PRKACA: variants seen among roughly 807,000 people sequenced by gnomAD.
PRKACA encodes cAMP-dependent protein kinase catalytic subunit alpha.
A neutral mutation model predicts 45.8 loss-of-function variants in PRKACA; 9 were observed. That is an observed-to-expected ratio of 0.20 (90% CI 0.12 to 0.34). The LOEUF is 0.34. PRKACA is among the 10% of genes least tolerant of loss of function. The pLI is 1.00. For missense variants in PRKACA, 238 were observed against 458.6 expected (o/e 0.52, Z 4.39); for synonymous variants, 160 against 178.6 (o/e 0.90, Z 0.83).
rs376581982 is a variant in PRKACA at position 14,112,078 on chromosome 19, C to T, written c.47-4669G>A. ...TCTCTGGCCTCTCAAAGGACCAGAG[C>T]GCCCAGGCTCTGTCCCCTCTGGTGC... On this transcript the variant is annotated intron_variant, in intron 1 of 9. Coordinates refer to ENST00000308677, the MANE Select transcript of PRKACA (RefSeq NM_002730.4). Among the ~76,000 whole-genome samples, 14 of 152,138 alleles carry T rather than the reference C, an allele frequency of 9.2e-5. No homozygotes were observed. The East Asian group carries it at 1.9e-3, about 21-fold the overall frequency.
intron 1 of PRKACA, among the ~76,000 whole-genome samples, chr19:14,113,226 C>G (rs1967021473): frequency 6.6e-6 from 1 of 152,008 alleles, no homozygotes; most frequent in African/African-American, 2.4e-5. Flanking sequence ...GAGGGGGAGG[C>G]AGCCTTGACC....
In PRKACA at chr19:14,092,941, CCT is replaced by C. The variant is rs1977125801; in HGVS notation, c.*169_*170del. On this transcript the variant is annotated 3_prime_UTR_variant, in exon 10 of 10. Transcript: ENST00000308677. ...AGGGGGAGCAGCTGGTGTTTCTGTC[CCT>C]CTGATTATCTGGGCTTCCTGCTCCC... 1.3e-6 allele frequency: 1 copy of C among 795,686 alleles called. No homozygotes were observed. 49.3% of individuals were successfully genotyped at this position (795,686 alleles called of 1,614,324 possible). A position where few individuals can be genotyped will look rare whatever the true frequency, so the allele number is the denominator to read the frequency against.
At chr19:14,115,175 T>C in intron 1 of PRKACA, 1 of 929,138 alleles carries the variant, frequency 1.1e-6, no homozygotes, top group Non-Finnish European at 1.3e-6. Flanking sequence ...TGGCAGAACA[T>C]GACATGATTT....
intron 8 of PRKACA, chr19:14,096,380 G>A (rs1234572025): frequency 6.6e-6 from 1 of 150,670 alleles, no homozygotes; most frequent in South Asian, 2.1e-4. Flanking sequence ...TAGAGATGGG[G>A]TCTGGCTATG....
intron 2 of PRKACA, 60 bp from the exon 3 acceptor site, chr19:14,106,948 G>A: frequency 6.3e-7 from 1 of 1,592,464 alleles, no homozygotes; most frequent in Non-Finnish European, 8.6e-7. Context: ...GCTTGGCTAA[G>A]GTCTGGGGCA....
At chr19:14,103,056 C>T in intron 3 of PRKACA, 142 bp from the exon 4 acceptor site, 2 of 693,308 alleles carry the variant, frequency 2.9e-6, no homozygotes, top group South Asian at 3.3e-5. Flanking sequence ...CTGTCGGGCC[C>T]TTAGCTGATG....
chr19:14,092,669 G>C lies in PRKACA; in HGVS notation c.*443C>G. ...ACTCCGAAAGGAAGGTTGGCGCTTC[G>C]TTCATTTGCCCTTAGCAAGTGGGGC... On this transcript the variant is annotated 3_prime_UTR_variant, in exon 10 of 10. Transcript: ENST00000308677. The C allele has an allele frequency of 3.3e-6, 1 of 302,652 alleles. No individual in the cohort carries two copies. Among genetic ancestry groups the C allele is most frequent in the East Asian group, 4.4e-5 (1 of 22,546 alleles). The allele number at this position is 302,652 out of a possible 1,614,324, so 18.7% of individuals were successfully genotyped here. A position where few individuals can be genotyped will look rare whatever the true frequency, so the allele number is the denominator to read the frequency against.
chr19:14,109,999 T>C (rs4464196), intron 1 of PRKACA, among the ~76,000 whole-genome samples: 8,209 of 54,644 alleles, frequency 0.15, 616 homozygotes, highest in African/African-American at 0.23. Context: ...TATATATATA[T>C]ACACACACAC....
intron 1 of PRKACA, among the ~76,000 whole-genome samples, chr19:14,108,564 C>T (rs1016916133): frequency 4.0e-5 from 6 of 151,734 alleles, no homozygotes; most frequent in African/African-American, 4.8e-5. Flanking sequence ...CCTGCCACCA[C>T]GCCCAGAGAA....
rs1350792810 is a variant in PRKACA, at chr19:14,091,764, C to G, written c.*1348G>C. 6.6e-6 allele frequency: 1 copy of G among 152,542 alleles called. No homozygotes were observed. The highest frequency in any genetic ancestry group is 2.4e-5 in the African/African-American group (1 of 41,434). The allele number at this position is 152,542 out of a possible 1,614,324, so 9.4% of individuals were successfully genotyped here. ...CAGCACACTGTTCAAGAGGAAGTCT[C>G]GTCCTTCGCAGCACACAGGTTGAAT... is the stretch of plus-strand genomic sequence containing the variant. On this transcript the variant is annotated 3_prime_UTR_variant, in exon 10 of 10. Coordinates refer to ENST00000308677, the MANE Select transcript of PRKACA (RefSeq NM_002730.4).
intron 1 of PRKACA, among the ~76,000 whole-genome samples, chr19:14,109,965 A>ATATAT (rs1384313011): frequency 1.7e-4 from 4 of 23,772 alleles, no homozygotes; most frequent in Admixed American, 8.6e-4. Flanking sequence ...AAAAAAAAAA[A>ATATAT]ATATATATAT....
At chr19:14,107,588 G>C in intron 1 of PRKACA, 179 bp from the exon 2 acceptor site, 1 of 1,301,646 alleles carries the variant, frequency 7.7e-7, no homozygotes, top group Non-Finnish European at 1.0e-6. Flanking sequence ...TTGCTACAGA[G>C]AGGTGGGATC....
intron 3 of PRKACA, among the ~76,000 whole-genome samples, chr19:14,104,746 G>A (rs953262818): frequency 1.7e-4 from 26 of 151,346 alleles, no homozygotes; most frequent in African/African-American, 5.6e-4. Flanking sequence ...GGTAGCCGGC[G>A]CCTGTAATTC....
At chr19:14,114,243 G>A in intron 1 of PRKACA, 5 of 1,547,882 alleles carry the variant, frequency 3.2e-6, no homozygotes, top group East Asian at 2.4e-5. Context: ...TCTGTCCCCA[G>A]AACCCTGCCT....
At chr19:14,109,341 C>T (rs907301720) in intron 1 of PRKACA, among the ~76,000 whole-genome samples, 2 of 151,640 alleles carry the variant, frequency 1.3e-5, no homozygotes, top group Admixed American at 6.6e-5. Context: ...AAAAATCAGC[C>T]GGGCATGGTG....
intron 4 of PRKACA, 107 bp downstream of exon 4, chr19:14,102,709 C>T (rs1421271670): frequency 2.1e-6 from 2 of 960,218 alleles, no homozygotes; most frequent in Admixed American, 1.9e-5. Flanking sequence ...TGTTCTTCCA[C>T]AAAAGAGAGC....
At chr19:14,107,447 C>T (rs373431053) in intron 1 of PRKACA, 38 bp from the exon 2 acceptor site, 21 of 1,601,204 alleles carry the variant, frequency 1.3e-5, no homozygotes, top group Middle Eastern at 1.7e-4. Flanking sequence ...CAGAGACGCC[C>T]GTCTCACCGG....
Position 14,097,752 on chromosome 19 carries a change from C to G in PRKACA, c.546+12G>C, listed in dbSNP as rs779721353. On this transcript the variant is annotated intron_variant, in intron 6 of 9. Coordinates refer to ENST00000308677, the MANE Select transcript of PRKACA (RefSeq NM_002730.4). This position sits in a 1 kb window ranked among gnomAD's most constrained non-coding sequence, Gnocchi z 5.4. ...TTCCCCAGGGCTGCCCCTCGCCCGG[C>G]CTGGTGGGCACCTGAATGTAGCCCT... 16 of 1,614,182 alleles carry G rather than the reference C, an allele frequency of 9.9e-6. No individual in the cohort carries two copies. The highest frequency in any genetic ancestry group is 8.3e-5 in the Admixed American group (5 of 60,028).
chr19:14,104,194 G>A (rs1462724337), intron 3 of PRKACA, among the ~76,000 whole-genome samples: 9 of 147,586 alleles, frequency 6.1e-5, no homozygotes, highest in East Asian at 2.1e-4. Flanking sequence ...AAAATTAGCC[G>A]GGTGTGGTGG....
Sources: gnomAD v4.1 joint callset for allele counts (sites outside exome capture counted in the v4.1 genomes callset) on GRCh38, gnomAD v4.1.1 for gene constraint, Gnocchi (gnomAD v3.1) non-coding constraint, MANE v1.5 for transcripts, NCBI Gene and HGNC (gene_info 2026-07-23, HGNC 2026-07-21) for gene names.